The following SIL1 variants were observed in gnomAD, a reference collection of about 807,000 sequenced individuals.
The protein encoded by SIL1 is SIL1 nucleotide exchange factor, also known as nucleotide exchange factor SIL1.
A neutral mutation model predicts 49.1 loss-of-function variants in SIL1; 40 were observed. The ratio of observed to expected loss-of-function variants is 0.81; its 90% CI spans 0.63 to 1.06. SIL1 has a LOEUF of 1.06. Among genes scored for constraint, SIL1 ranks in the 50% least tolerant of loss-of-function variants. SIL1 has a pLI of 0.00. For synonymous variants in SIL1, 253 were observed against 250.8 expected (o/e 1.01, Z -0.08); for missense variants, 500 against 572.6 (o/e 0.87, Z 1.29).
intron 2 of SIL1, among the ~76,000 whole-genome samples, chr5:139,126,972 G>A (rs1750766606): frequency 6.6e-6 from 1 of 152,174 alleles, no homozygotes; most frequent in African/African-American, 2.4e-5. Flanking sequence ...GGAGAGGAGA[G>A]GGAGGGCATT....
intron 3 of SIL1, among the ~76,000 whole-genome samples, chr5:139,078,844 A>G (rs1034241192): frequency 6.6e-6 from 1 of 152,248 alleles, no homozygotes; most frequent in Admixed American, 6.5e-5. Flanking sequence ...CTGTGTTTCC[A>G]CATCAGCAGT....
chr5:139,182,939 A>C (rs1285859893), intron 1 of SIL1, among the ~76,000 whole-genome samples: 1 of 152,202 alleles, frequency 6.6e-6, no homozygotes, highest in Non-Finnish European at 1.5e-5. Flanking sequence ...AATCTCTCCT[A>C]CAGAGGAGAG....
chr5:138,983,291 G>A (rs1437575007), intron 7 of SIL1, among the ~76,000 whole-genome samples: 4 of 149,494 alleles, frequency 2.7e-5, no homozygotes, highest in African/African-American at 4.9e-5. Flanking sequence ...GGCGGATCAC[G>A]AGGTCAGGAG....
At chr5:139,182,578 A>C (rs746910669) in intron 1 of SIL1, among the ~76,000 whole-genome samples, 6 of 152,240 alleles carry the variant, frequency 3.9e-5, no homozygotes, top group Middle Eastern at 3.2e-3. Context: ...GGGAGCCAAG[A>C]GAATAAAAAT....
chr5:139,187,289 C>A lies in SIL1; in HGVS notation c.-11+10980G>T, dbSNP rs1380923082. 3.3e-5 allele frequency among the ~76,000 whole-genome samples: 5 copies of A among 152,100 alleles called. No individual in the cohort carries two copies. The East Asian group carries it at 9.7e-4, about 29-fold the overall frequency. On this transcript the variant is annotated intron_variant, in intron 1 of 9. Transcript: ENST00000394817. ...ATCCCAGCACTTTGGGATGCCGAGG[C>A]GGGTGGATCACAAGGTCAGGAGCTC...
chr5:139,058,334 TA>T (rs760376834), intron 3 of SIL1, among the ~76,000 whole-genome samples: 52 of 141,154 alleles, frequency 3.7e-4, no homozygotes, highest in Admixed American at 3.5e-4. Flanking sequence ...GTGGGTAAAC[TA>T]AAAAAAAAAA....
intron 3 of SIL1, among the ~76,000 whole-genome samples, chr5:139,107,421 T>TC (rs748403708): frequency 2.6e-5 from 4 of 152,236 alleles, no homozygotes; most frequent in Non-Finnish European, 4.4e-5. Flanking sequence ...ATACAGAGTT[T>TC]CCCATATACT....
intron 3 of SIL1, among the ~76,000 whole-genome samples, chr5:139,070,838 C>A (rs550360206): frequency 6.6e-6 from 1 of 152,234 alleles, no homozygotes; most frequent in East Asian, 1.9e-4. Context: ...TTTATCCTGT[C>A]TTTCCTGTAT....
chr5:139,194,219 G>C (rs934419688), intron 1 of SIL1, among the ~76,000 whole-genome samples: 10 of 152,200 alleles, frequency 6.6e-5, no homozygotes, highest in Admixed American at 5.2e-4. Context: ...GCAAAAGTAA[G>C]AATGCCAGGT....
intron 1 of SIL1, chr5:139,133,371 T>A (rs1750905573): frequency 6.6e-6 from 1 of 152,248 alleles, no homozygotes; most frequent in South Asian, 2.1e-4. Context: ...CCAGAGCAGA[T>A]GTTTGGGGAG....
At chr5:139,067,955 A>G (rs1741841496) in intron 3 of SIL1, among the ~76,000 whole-genome samples, 1 of 152,256 alleles carries the variant, frequency 6.6e-6, no homozygotes, top group Non-Finnish European at 1.5e-5. Context: ...AATGTCCATC[A>G]GTAGGGGATT....
At chr5:139,091,747 C>T (rs1770347075) in intron 3 of SIL1, among the ~76,000 whole-genome samples, 2 of 152,352 alleles carry the variant, frequency 1.3e-5, no homozygotes, top group South Asian at 4.1e-4. Context: ...GGGACACAGG[C>T]TGGCCAACAC....
chr5:139,164,648 C>A (rs537032958), intron 1 of SIL1, among the ~76,000 whole-genome samples: 1 of 152,306 alleles, frequency 6.6e-6, no homozygotes, highest in South Asian at 2.1e-4. Context: ...TTCATCCTAA[C>A]TGCCCTAGGA....
At chr5:139,106,583 T>A (rs1377522750) in intron 3 of SIL1, among the ~76,000 whole-genome samples, 1 of 152,294 alleles carries the variant, frequency 6.6e-6, no homozygotes, top group East Asian at 1.9e-4. Context: ...AATATGGGCT[T>A]CTGAGGGTAA....
chr5:139,053,030 T>G (rs1441824725), intron 3 of SIL1, among the ~76,000 whole-genome samples: 1 of 152,138 alleles, frequency 6.6e-6, no homozygotes, highest in Non-Finnish European at 1.5e-5. Context: ...AACAAAGAAC[T>G]GGCAACTTCT....
At chr5:139,126,701 C>T (rs1232902883) in intron 2 of SIL1, among the ~76,000 whole-genome samples, 15 of 152,252 alleles carry the variant, frequency 9.9e-5, no homozygotes, top group Admixed American at 9.8e-4. Flanking sequence ...ATGTTTTCCC[C>T]TGCTCCACGA....
At chr5:139,119,367 A>T (rs1242008233) in intron 3 of SIL1, among the ~76,000 whole-genome samples, 1 of 152,214 alleles carries the variant, frequency 6.6e-6, no homozygotes, top group African/African-American at 2.4e-5. Context: ...ATGCTACTGG[A>T]TGAAGGGAGC....
chr5:139,173,864 CAGG>C (rs1751826978), intron 1 of SIL1, among the ~76,000 whole-genome samples: 1 of 149,110 alleles, frequency 6.7e-6, no homozygotes, highest in Non-Finnish European at 1.5e-5. Flanking sequence ...GAGGCTGAGG[CAGG>C]AGAATGACGT....
intron 3 of SIL1, among the ~76,000 whole-genome samples, chr5:139,109,333 G>A (rs1055286914): frequency 6.6e-6 from 1 of 152,062 alleles, no homozygotes; most frequent in African/African-American, 2.4e-5. Flanking sequence ...CTGCACACAG[G>A]GCTGCTTACT....
Sources: gnomAD v4.1 joint callset for allele counts (sites outside exome capture counted in the v4.1 genomes callset) on GRCh38, gnomAD v4.1.1 for gene constraint, MANE v1.5 for transcripts, NCBI Gene and HGNC (gene_info 2026-07-23, HGNC 2026-07-21) for gene names.